DET1: variants seen among roughly 807,000 people sequenced by gnomAD.
DET1 encodes the protein DET1 homolog.
A neutral mutation model predicts 43.7 loss-of-function variants in DET1; 22 were observed. That is an observed-to-expected ratio of 0.50 (90% CI 0.36 to 0.72). DET1 has a LOEUF of 0.72. Among genes scored for constraint, DET1 ranks in the 30% least tolerant of loss-of-function variants. The pLI, the probability that DET1 is intolerant of heterozygous loss-of-function variation, is 0.00. For missense variants in DET1, 713 were observed against 713.3 expected (o/e 1.00, Z 0.00); for synonymous variants, 315 against 266.2 (o/e 1.18, Z -1.79).
intron 1 of DET1, among the ~76,000 whole-genome samples, chr15:88,539,872 C>T (rs2057058034): frequency 6.6e-6 from 1 of 152,174 alleles, no homozygotes. Flanking sequence ...GGGTTCAAAA[C>T]AGCCACCCTG....
chr15:88,516,115 A>G lies in DET1; in HGVS notation c.1463+667T>C, dbSNP rs1447590368. 6.6e-6 allele frequency among the ~76,000 whole-genome samples: 1 copy of G among 152,158 alleles called. No individual in the cohort carries two copies. Among genetic ancestry groups the G allele is most frequent in the African/African-American group, 2.4e-5 (1 of 41,436 alleles). ...GTTTCTGTGTGAAAAAGACCTTCCA[A>G]GCTCCAGCCTATAGCCTCAGGAACA... On this transcript the variant is annotated intron_variant, in intron 4 of 4. Transcript: ENST00000268148. The surrounding 1 kb of genome is among the most constrained non-coding windows in gnomAD (Gnocchi z 4.4).
chr15:88,530,521 G>A (rs1008571483), intron 2 of DET1, 102 bp downstream of exon 2: 28 of 1,496,468 alleles, frequency 1.9e-5, no homozygotes, highest in South Asian at 2.8e-5. Context: ...TTCAGACTAC[G>A]TGAAATGTCT....
At chr15:88,515,137 G>A (rs974913161) in intron 4 of DET1, among the ~76,000 whole-genome samples, 5 of 152,082 alleles carry the variant, frequency 3.3e-5, no homozygotes, top group Non-Finnish European at 5.9e-5. Flanking sequence ...CTATCCCAGG[G>A]ATGTAACAAG....
chr15:88,526,412 A>G (rs983293569), intron 3 of DET1, among the ~76,000 whole-genome samples: 1 of 152,252 alleles, frequency 6.6e-6, no homozygotes, highest in African/African-American at 2.4e-5. Context: ...CTTGGCCCAA[A>G]GGAACCATTT....
At chr15:88,546,402 G>A (rs2057256710) in intron 1 of DET1, 138 bp downstream of exon 1, 1 of 152,340 alleles carries the variant, frequency 6.6e-6, no homozygotes. Context: ...AAAGCCTGGG[G>A]CGGGGCCTCA....
At chr15:88,546,420 G>T in intron 1 of DET1, 120 bp downstream of exon 1, 1 of 152,500 alleles carries the variant, frequency 6.6e-6, no homozygotes, top group Non-Finnish European at 1.5e-5. Flanking sequence ...TCAAAGGGAA[G>T]AGAATGCTGA....
At chr15:88,540,539 A>G (rs572926870) in intron 1 of DET1, among the ~76,000 whole-genome samples, 32 of 151,956 alleles carry the variant, frequency 2.1e-4, no homozygotes, top group African/African-American at 7.7e-4. Context: ...ATGCTGGAAA[A>G]TTTTTCTCTT....
chr15:88,527,474 A>G (rs1033776971), intron 3 of DET1, 125 bp downstream of exon 3: 1 of 819,600 alleles, frequency 1.2e-6, no homozygotes, highest in Non-Finnish European at 1.8e-6. Flanking sequence ...ACAAGGGGTT[A>G]TAATAAGCAG....
At chr15:88,514,455 AATTTG>A (rs1185317006) in intron 4 of DET1, among the ~76,000 whole-genome samples, 4 of 152,232 alleles carry the variant, frequency 2.6e-5, no homozygotes, top group Non-Finnish European at 4.4e-5. Context: ...ATATCCTCAG[AATTTG>A]ATTTAAGTGA....
intron 7 of DET1, among the ~76,000 whole-genome samples, chr15:88,507,325 G>C (rs962181366): frequency 6.6e-6 from 1 of 152,174 alleles, no homozygotes; most frequent in Non-Finnish European, 1.5e-5. Context: ...AAACTAGCAT[G>C]TCTAAAACTA....
At chr15:88,510,078 A>T (rs925870576), downstream of DET1, among the ~76,000 whole-genome samples, 1 of 152,158 alleles carries the variant, frequency 6.6e-6, no homozygotes, top group African/African-American at 2.4e-5. Flanking sequence ...TCCTTATCCT[A>T]ACCTGAGTCA....
At chr15:88,536,695 C>T (rs555929655) in intron 1 of DET1, among the ~76,000 whole-genome samples, 15 of 141,972 alleles carry the variant, frequency 1.1e-4, no homozygotes, top group Non-Finnish European at 1.8e-4. Flanking sequence ...TGCTTGAACC[C>T]GGGAGGCAGA....
intron 4 of DET1, among the ~76,000 whole-genome samples, chr15:88,513,620 GAGTTTTTTTTTTTTTTTTTTTGGAAATC>G (rs2056254967): frequency 7.2e-6 from 1 of 138,998 alleles, no homozygotes; most frequent in African/African-American, 2.7e-5. Flanking sequence ...AACTATTAGT[GAGTTTTTTTTTTTTTTTTTTTGGAAATC>G]TGTTATGTAT....
At chr15:88,510,771 G>GTT (rs72302105), downstream of DET1, among the ~76,000 whole-genome samples, 167 of 132,960 alleles carry the variant, frequency 1.3e-3, 1 homozygote, top group East Asian at 2.6e-3. Context: ...TTTTTTTTTT[G>GTT]TTTTTTTTTT....
At chr15:88,521,748 G>A (rs550478744) in intron 3 of DET1, among the ~76,000 whole-genome samples, 2 of 152,146 alleles carry the variant, frequency 1.3e-5, no homozygotes, top group African/African-American at 4.8e-5. Context: ...TATTATTGAT[G>A]TCTGATGTCA....
At position 88,512,913 on chromosome 15, in the gene DET1, G is replaced by A. The variant is rs1450272777; in HGVS notation, c.*38C>T. The A allele has an allele frequency of 2.5e-6, 4 of 1,605,538 alleles. No individual in the cohort carries two copies. The highest frequency in any genetic ancestry group is 1.1e-5 in the South Asian group (1 of 90,402). On this transcript the variant is annotated 3_prime_UTR_variant, in exon 5 of 5. Coordinates refer to ENST00000268148, the MANE Select transcript of DET1 (RefSeq NM_001144074.3). ...TCCACTGAGATAAGTGAGTGGCAAAGTCTTGGAAGACCAGATAATCTGGCT... is the reference window on the plus strand; with the variant it reads ...TCCACTGAGATAAGTGAGTGGCAAAATCTTGGAAGACCAGATAATCTGGCT...
chr15:88,544,434 A>T (rs967101018), intron 1 of DET1, among the ~76,000 whole-genome samples: 4 of 152,186 alleles, frequency 2.6e-5, no homozygotes, highest in Non-Finnish European at 4.4e-5. Context: ...AACTGGCAGA[A>T]ATATCACAAG....
intron 3 of DET1, among the ~76,000 whole-genome samples, chr15:88,526,183 G>C (rs2056658060): frequency 6.6e-6 from 1 of 152,216 alleles, no homozygotes; most frequent in South Asian, 2.1e-4. Flanking sequence ...ATCTGTAATT[G>C]AGTACTATCT....
At chr15:88,524,498 G>A (rs1351801239) in intron 3 of DET1, among the ~76,000 whole-genome samples, 2 of 152,272 alleles carry the variant, frequency 1.3e-5, no homozygotes, top group African/African-American at 2.4e-5. Flanking sequence ...TGATGACGAT[G>A]GCGGTTTTGT....
Sources: gnomAD v4.1 joint callset for allele counts (sites outside exome capture counted in the v4.1 genomes callset) on GRCh38, gnomAD v4.1.1 for gene constraint, Gnocchi (gnomAD v3.1) non-coding constraint, MANE v1.5 for transcripts, NCBI Gene and HGNC (gene_info 2026-07-23, HGNC 2026-07-21) for gene names.